The following HELB variants were observed in gnomAD, a reference collection of about 807,000 sequenced individuals.
HELB encodes the protein DNA helicase B.
HELB carries 96 observed loss-of-function variants against 101.7 expected under a neutral mutation model. The observed-to-expected ratio is 0.94, with a 90% CI of 0.80 to 1.12. The LOEUF (loss-of-function observed/expected upper bound fraction) is 1.12, where lower values mean the gene tolerates loss of function less well. Ranked by LOEUF, HELB falls within the 50% of genes most tolerant of loss-of-function variation. The pLI is 0.00. For missense variants in HELB, 1,210 were observed against 1,291.9 expected (o/e 0.94, Z 0.97); for synonymous variants, 437 against 459.7 (o/e 0.95, Z 0.63).
At chr12:66,327,878 T>C (rs1185562571) in intron 11 of HELB, among the ~76,000 whole-genome samples, 2 of 152,082 alleles carry the variant, frequency 1.3e-5, no homozygotes, top group Non-Finnish European at 2.9e-5. Context: ...GTGGGTGCAA[T>C]TGTGATTTTA....
At chr12:66,327,911 C>T (rs1388225779) in intron 11 of HELB, among the ~76,000 whole-genome samples, 3 of 152,118 alleles carry the variant, frequency 2.0e-5, no homozygotes, top group African/African-American at 4.8e-5. Context: ...ATATAAGCCT[C>T]ATTGAGAAGA....
In HELB at chr12:66,324,981, A is replaced by C; in HGVS notation, c.2527-2A>C. On this transcript the variant is annotated splice_acceptor_variant, in intron 10 of 12. Transcript: ENST00000247815. LOFTEE classifies it high-confidence loss of function. ...CAAAATAGTTCTTTGGTTTGGTGAC[A>C]GGATGTAACTGATGTAACTTTTGGA... 1 of 1,612,132 alleles carries C rather than the reference A, an allele frequency of 6.2e-7. No homozygotes were observed. Among genetic ancestry groups the C allele is most frequent in the South Asian group, 1.1e-5 (1 of 90,962 alleles).
intron 2 of HELB, among the ~76,000 whole-genome samples, chr12:66,306,012 A>G (rs2053471041): frequency 6.6e-6 from 1 of 152,190 alleles, no homozygotes; most frequent in African/African-American, 2.4e-5. Flanking sequence ...TATGTAAATT[A>G]TTTTATATCC....
rs538042019 is a variant in HELB at position 66,324,932 on chromosome 12, A to C, written c.2527-51A>C. 13 of 1,601,840 alleles carry C rather than the reference A, an allele frequency of 8.1e-6. No homozygotes were observed. The South Asian group carries it at 1.2e-4, about 15-fold the overall frequency. Reference sequence around the variant, plus strand: ...ATAGAATATCTTTGAACGTATTTGAACGTAGAACATATTTGAAGGTATGCA... The same window carrying C: ...ATAGAATATCTTTGAACGTATTTGACCGTAGAACATATTTGAAGGTATGCA... On this transcript the variant is annotated intron_variant, in intron 10 of 12. Transcript: ENST00000247815.
intron 12 of HELB, among the ~76,000 whole-genome samples, chr12:66,336,305 A>C (rs1476072196): frequency 6.6e-6 from 1 of 152,156 alleles, no homozygotes; most frequent in African/African-American, 2.4e-5. Context: ...GTTGAGACCT[A>C]TTCTGAGTTT....
Position 66,302,622 on chromosome 12 carries a change from T to G in HELB, c.19T>G (p.Tyr7Asp). The G allele has an allele frequency of 6.2e-7, 1 of 1,614,006 alleles. No individual in the cohort carries two copies. Among genetic ancestry groups the G allele is most frequent in the Non-Finnish European group, 8.5e-7 (1 of 1,179,870 alleles). MARSSP[Y>D]LRQLQGPLLP... The stretch of plus-strand genomic sequence containing the variant: ...GAGAAGCATGGCCAGGTCGAGTCCG[T>G]ACCTGCGCCAACTTCAGGGACCTCT... Residue 7 changes from tyrosine to aspartate, a missense_variant, in exon 1 of 13, where the codon TAC becomes GAC. Around this residue, in one of 2 missense-constraint regions of HELB, gnomAD observed 470 missense variants for 563.1 expected, o/e 0.83. Transcript: ENST00000247815.
chr12:66,304,959 A>G lies in HELB; in HGVS notation c.416A>G (p.Asp139Gly). 2 of 1,614,014 alleles carry G rather than the reference A, an allele frequency of 1.2e-6. No homozygotes were observed. Among genetic ancestry groups the G allele is most frequent in the Non-Finnish European group, 1.7e-6 (2 of 1,179,912 alleles). The change falls in exon 2 of 13, where the codon GAT becomes GGT. Residue 139 changes from aspartate to glycine, a missense_variant. Asp to Gly is a moderately conservative substitution (Grantham distance 94, BLOSUM62 -1). Transcript: ENST00000247815. ...CTTAAAGAGTGTGAGGTCTCCAGTG[A>G]TGATGTTAATAAATTTTTAACATGG... ...LFLKECEVSS[D>G]DVNKFLTWVK...
chr12:66,309,676 A>T, intron 3 of HELB, 30 bp from the exon 4 acceptor site: 1 of 1,488,728 alleles, frequency 6.7e-7, no homozygotes, highest in Non-Finnish European at 9.1e-7. Context: ...TATGATGTTT[A>T]TAAACCAACC....
intron 12 of HELB, among the ~76,000 whole-genome samples, chr12:66,333,397 G>T (rs2053830683): frequency 6.6e-6 from 1 of 152,114 alleles, no homozygotes; most frequent in Admixed American, 6.5e-5. Context: ...AAAGAGGAAG[G>T]CAGGTTGGCC....
At position 66,305,395 on chromosome 12, in the gene HELB, CTCTT is replaced by C. The variant is rs1204873828; in HGVS notation, c.607+249_607+252del. On this transcript the variant is annotated intron_variant, in intron 2 of 12. Transcript: ENST00000247815. ...ACCTCTAAAACTGTGATTTTAATCT[CTCTT>C]TCTAACTTTTGTATTCACAGCGATT... is the stretch of plus-strand genomic sequence containing the variant. Among the ~76,000 whole-genome samples the C allele has an allele frequency of 7.9e-5, 12 of 152,156 alleles. No homozygotes were observed. The South Asian group carries it at 1.5e-3, about 18-fold the overall frequency.
At position 66,321,998 on chromosome 12, in the gene HELB, G is replaced by C. The variant is rs1227505009; in HGVS notation, c.2206G>C (p.Ala736Pro). 3 of 1,177,444 alleles carry C rather than the reference G, an allele frequency of 2.5e-6. No homozygotes were observed. In the East Asian group the frequency reaches 7.8e-5, roughly 31 times the overall value. The allele number at this position is 1,177,444 out of a possible 1,614,324, so 72.9% of individuals were successfully genotyped here. The change falls in exon 8 of 13, where the codon GCA (alanine) becomes CCA (proline). Residue 736 changes from alanine (A) to proline (P), a missense_variant. Around this residue, in one of 2 missense-constraint regions of HELB, gnomAD observed 740 missense variants for 728.8 expected, o/e 1.02. Coordinates refer to ENST00000247815, the MANE Select transcript of HELB (RefSeq NM_001370285.1). ...TLLQENNLQN[A>P]KTSQFIAFRR... ...ACTACAAGAAAATAACTTACAAAAT[G>C]CAAAAACATCACAATTTATTGCATT...
At chr12:66,319,343 C>A (rs2053645451) in intron 7 of HELB, among the ~76,000 whole-genome samples, 1 of 151,932 alleles carries the variant, frequency 6.6e-6, no homozygotes, top group African/African-American at 2.4e-5. Context: ...GAGTGTGGGA[C>A]AGGAAATCTT....
At chr12:66,343,594 C>T (rs1394912841) in exon 14 of HELB, 1 of 152,084 alleles carries the variant, frequency 6.6e-6, no homozygotes, top group African/African-American at 2.4e-5. Flanking sequence ...TTGTAGTTTT[C>T]AGAGTATAAG....
intron 6 of HELB, among the ~76,000 whole-genome samples, chr12:66,316,421 G>A (rs114239366): frequency 0.011 from 1,663 of 152,192 alleles, 35 homozygotes; most frequent in African/African-American, 0.036. Context: ...TTTACAAAAT[G>A]TTTTGTTGCT....
chr12:66,334,262 AC>A (rs1216992187), intron 12 of HELB, among the ~76,000 whole-genome samples: 2 of 151,984 alleles, frequency 1.3e-5, no homozygotes, highest in East Asian at 3.9e-4. Context: ...GGAGTTTGAG[AC>A]TAACCTGGGC....
chr12:66,312,145 T>C (rs2053552003), intron 4 of HELB, among the ~76,000 whole-genome samples: 2 of 152,206 alleles, frequency 1.3e-5, no homozygotes, highest in African/African-American at 4.8e-5. Flanking sequence ...AGTGATGTTA[T>C]CTCCACATTT....
exon 14 of HELB, chr12:66,343,493 A>T (rs915910518): frequency 4.6e-5 from 7 of 151,854 alleles, no homozygotes; most frequent in Non-Finnish European, 8.8e-5. Flanking sequence ...CTGGTCTCGA[A>T]CTCCTGGACT....
chr12:66,316,897 T>C (rs146205761), intron 6 of HELB, among the ~76,000 whole-genome samples: 2,060 of 151,608 alleles, frequency 0.014, 107 homozygotes, highest in Admixed American at 0.09. Context: ...CGGGCGCCTG[T>C]AGTCCCAGCT....
At position 66,318,650 on chromosome 12, in the gene HELB, C is replaced by G. The variant is rs1206749304; in HGVS notation, c.2013C>G (p.Arg671=). 10 of 1,593,582 alleles carry G rather than the reference C, an allele frequency of 6.3e-6. No individual in the cohort carries two copies. Among genetic ancestry groups the G allele is most frequent in the Non-Finnish European group, 8.5e-6 (10 of 1,175,210 alleles). Residue 671 remains arginine (R), a synonymous_variant, in exon 7 of 13, where the codon CGC becomes CGG. Transcript: ENST00000247815. ...IVDNATRISR[R]QFPKFDAELN... is the part of the protein sequence containing the mutation. ...ATCTTTATTCAAGAATCTCAAGACG[C>G]CAATTTCCAAAATTTGATGCAGAAC...
Sources: allele counts gnomAD v4.1 joint callset (sites outside exome capture counted in the v4.1 genomes callset), GRCh38; gene constraint gnomAD v4.1.1; regional missense constraint gnomAD v4.1.1; transcripts MANE v1.5; gene names NCBI Gene and HGNC (gene_info 2026-07-23, HGNC 2026-07-21).